HPSE2: variants seen among roughly 807,000 people sequenced by gnomAD.
HPSE2 encodes the protein inactive heparanase-2.
In HPSE2, 38 loss-of-function variants were observed where a neutral mutation model predicts 60.5. That is an observed-to-expected ratio of 0.63 (90% CI 0.48 to 0.82). The LOEUF (loss-of-function observed/expected upper bound fraction) is 0.82, where lower values mean the gene tolerates loss of function less well. Ranked by LOEUF, HPSE2 falls within the 40% of genes least tolerant of loss-of-function variation. HPSE2 has a pLI of 0.00. For missense variants in HPSE2, 713 were observed against 740.4 expected, an observed-to-expected ratio of 0.96 and a Z score of 0.43; for synonymous variants, 295 against 293.2, an observed-to-expected ratio of 1.01 and a Z score of -0.06.
At chr10:98,697,183 A>G (rs1948247476) in intron 5 of HPSE2, among the ~76,000 whole-genome samples, 1 of 152,224 alleles carries the variant, frequency 6.6e-6, no homozygotes, top group Non-Finnish European at 1.5e-5. Context: ...GGCTTCATTC[A>G]GAAGGTGGGT....
chr10:98,545,186 C>T (rs1943625246), intron 9 of HPSE2, among the ~76,000 whole-genome samples: 2 of 151,826 alleles, frequency 1.3e-5, no homozygotes, highest in Non-Finnish European at 2.9e-5. Flanking sequence ...AAAAAGAGTC[C>T]AGGACCAGAT....
chr10:99,128,536 A>G (rs1845253963), intron 3 of HPSE2, among the ~76,000 whole-genome samples: 1 of 152,168 alleles, frequency 6.6e-6, no homozygotes, highest in Admixed American at 6.5e-5. Context: ...TTGTAGGGAC[A>G]TGGATGAACC....
chr10:98,818,690 C>T (rs1248902487), intron 3 of HPSE2, among the ~76,000 whole-genome samples: 1 of 152,148 alleles, frequency 6.6e-6, no homozygotes, highest in Non-Finnish European at 1.5e-5. Context: ...AAAACAAGAT[C>T]CAGGCCTGCA....
At chr10:99,157,898 A>C (rs1220515321) in intron 2 of HPSE2, among the ~76,000 whole-genome samples, 1 of 106,720 alleles carries the variant, frequency 9.4e-6, no homozygotes, top group African/African-American at 2.7e-5. Context: ...ACTCAAACAA[A>C]TTTACAAGAA....
chr10:99,208,698 A>T (rs11190020), intron 2 of HPSE2, among the ~76,000 whole-genome samples: 19 of 133,916 alleles, frequency 1.4e-4, no homozygotes, highest in East Asian at 6.1e-4. Flanking sequence ...AAATAAAAAT[A>T]AAAAAAAAAA....
intron 6 of HPSE2, among the ~76,000 whole-genome samples, chr10:98,645,717 G>T (rs1434569009): frequency 4.6e-5 from 7 of 152,170 alleles, no homozygotes; most frequent in Non-Finnish European, 8.8e-5. Flanking sequence ...GGTGGCTCAA[G>T]CCTGTAATCC....
chr10:98,659,344 G>GA (rs1035760119), intron 6 of HPSE2, among the ~76,000 whole-genome samples: 72 of 151,758 alleles, frequency 4.7e-4, no homozygotes, highest in Non-Finnish European at 9.1e-4. Flanking sequence ...ACATTTGGTT[G>GA]AAAAAAAATC....
chr10:99,233,127 G>T (rs1356583862), intron 1 of HPSE2, among the ~76,000 whole-genome samples: 1 of 152,134 alleles, frequency 6.6e-6, no homozygotes, highest in Non-Finnish European at 1.5e-5. Context: ...AAACTGCATT[G>T]TTTCCCAAAT....
chr10:98,982,976 A>G (rs945876379), intron 3 of HPSE2, among the ~76,000 whole-genome samples: 2 of 152,110 alleles, frequency 1.3e-5, no homozygotes, highest in South Asian at 4.1e-4. Context: ...AGGTCATACA[A>G]ATTCTTTCAA....
Position 98,785,779 on chromosome 10 carries a change from C to T in HPSE2, c.611-41723G>A, listed in dbSNP as rs1194779620. On this transcript the variant is annotated intron_variant, in intron 3 of 11. Coordinates refer to ENST00000370552, the MANE Select transcript of HPSE2 (RefSeq NM_021828.5). Reference sequence around the variant, plus strand: ...ATGGTAGTTTGTATTTCTGTGGGATCGGTGGTGATATCCCCTTTATCATTT... The same window carrying T: ...ATGGTAGTTTGTATTTCTGTGGGATTGGTGGTGATATCCCCTTTATCATTT... 4.2e-4 allele frequency among the ~76,000 whole-genome samples: 9 copies of T among 21,454 alleles called. No homozygotes were observed. In the East Asian group the frequency reaches 9.1e-3, roughly 22 times the overall value. The allele number at this position is 21,454 out of a possible 152,430, so 14.1% of individuals were successfully genotyped here.
At chr10:99,150,276 G>A (rs1172594371) in intron 2 of HPSE2, among the ~76,000 whole-genome samples, 1 of 152,100 alleles carries the variant, frequency 6.6e-6, no homozygotes, top group Non-Finnish European at 1.5e-5. Flanking sequence ...CCACAGCAGT[G>A]CTAGCCTAAG....
intron 3 of HPSE2, among the ~76,000 whole-genome samples, chr10:98,915,882 T>C (rs1302136144): frequency 6.6e-6 from 1 of 151,320 alleles, no homozygotes; most frequent in African/African-American, 2.4e-5. Flanking sequence ...GGGAGGAGAG[T>C]ATGGAAAGAG....
At chr10:98,652,582 A>G (rs1301104761) in intron 6 of HPSE2, among the ~76,000 whole-genome samples, 3 of 152,072 alleles carry the variant, frequency 2.0e-5, no homozygotes, top group Non-Finnish European at 4.4e-5. Context: ...ACCTACTCCA[A>G]ATCCCCTGAG....
intron 9 of HPSE2, among the ~76,000 whole-genome samples, chr10:98,582,592 T>C (rs1944830685): frequency 6.6e-6 from 1 of 152,148 alleles, no homozygotes; most frequent in Non-Finnish European, 1.5e-5. Flanking sequence ...TCAAGCCCTG[T>C]CCCTTCCCAG....
At chr10:98,872,444 C>T (rs1414947660) in intron 3 of HPSE2, among the ~76,000 whole-genome samples, 1 of 152,026 alleles carries the variant, frequency 6.6e-6, no homozygotes, top group African/African-American at 2.4e-5. Flanking sequence ...TTGCCATATC[C>T]ACTTAGGATC....
At chr10:98,870,909 G>A (rs887201350) in intron 3 of HPSE2, among the ~76,000 whole-genome samples, 2 of 150,242 alleles carry the variant, frequency 1.3e-5, no homozygotes, top group African/African-American at 2.5e-5. Context: ...ATGAGTGAGT[G>A]CTCACTCTGA....
chr10:98,916,587 G>A (rs2135043206), intron 3 of HPSE2, among the ~76,000 whole-genome samples: 1 of 152,314 alleles, frequency 6.6e-6, no homozygotes, highest in East Asian at 1.9e-4. Context: ...TTTCAAAAGG[G>A]AAAAGTTACC....
intron 3 of HPSE2, among the ~76,000 whole-genome samples, chr10:99,003,671 A>G (rs1248246509): frequency 6.6e-6 from 1 of 152,048 alleles, no homozygotes; most frequent in East Asian, 1.9e-4. Context: ...CCAGTTATTA[A>G]TCAGTTTCTC....
intron 3 of HPSE2, among the ~76,000 whole-genome samples, chr10:98,991,448 G>C (rs889086865): frequency 1.3e-5 from 2 of 152,158 alleles, no homozygotes; most frequent in African/African-American, 4.8e-5. Context: ...GAAGAGTAAA[G>C]AGGCCAATGA....
Sources: allele counts gnomAD v4.1 joint callset (sites outside exome capture counted in the v4.1 genomes callset), GRCh38; gene constraint gnomAD v4.1.1; transcripts MANE v1.5; gene names NCBI Gene and HGNC (gene_info 2026-07-23, HGNC 2026-07-21).